The following SLC9A9 variants were observed in gnomAD, a reference collection of about 807,000 sequenced individuals.
The protein encoded by SLC9A9 is sodium/hydrogen exchanger 9.
SLC9A9 carries 62 observed loss-of-function variants against 77.8 expected under a neutral mutation model. The observed-to-expected ratio is 0.80, with a 90% CI of 0.65 to 0.98. The LOEUF is 0.98. SLC9A9 is among the 50% of genes least tolerant of loss of function. SLC9A9 has a pLI of 0.00. For missense variants in SLC9A9, 775 were observed against 774.9 expected, an observed-to-expected ratio of 1.00 and a Z score of 0.00; for synonymous variants, 320 against 283.5, an observed-to-expected ratio of 1.13 and a Z score of -1.29.
intron 12 of SLC9A9, among the ~76,000 whole-genome samples, chr3:143,440,118 C>T (rs1188343887): frequency 6.6e-6 from 1 of 152,212 alleles, no homozygotes; most frequent in Non-Finnish European, 1.5e-5. Flanking sequence ...GTGAATGGTG[C>T]AGAAAACACA....
At chr3:143,596,526 G>A (rs144161367) in intron 6 of SLC9A9, among the ~76,000 whole-genome samples, 105 of 152,100 alleles carry the variant, frequency 6.9e-4, no homozygotes, top group African/African-American at 2.5e-3. Flanking sequence ...AGATCCTGTC[G>A]AATTGTCTGG....
chr3:143,326,594 C>T (rs899050280), intron 14 of SLC9A9, among the ~76,000 whole-genome samples: 9 of 152,180 alleles, frequency 5.9e-5, no homozygotes, highest in East Asian at 3.9e-4. Context: ...CTCTCAGCTG[C>T]TCATGAGGGT....
chr3:143,581,108 AG>A (rs1442627537), intron 6 of SLC9A9, among the ~76,000 whole-genome samples: 1 of 152,352 alleles, frequency 6.6e-6, no homozygotes, highest in Non-Finnish European at 1.5e-5. Context: ...AACGGTACAA[AG>A]GGGAAAAGGG....
chr3:143,677,571 C>T (rs1560026784), intron 5 of SLC9A9, among the ~76,000 whole-genome samples: 1 of 152,190 alleles, frequency 6.6e-6, no homozygotes, highest in Non-Finnish European at 1.5e-5. Flanking sequence ...GGTATAATAG[C>T]TTTGCCAAAT....
intron 12 of SLC9A9, among the ~76,000 whole-genome samples, chr3:143,440,417 G>A (rs748489683): frequency 7.2e-5 from 11 of 152,126 alleles, no homozygotes; most frequent in South Asian, 2.1e-4. Context: ...TCGGGGTTAC[G>A]GGGAAGACTA....
chr3:143,539,895 A>T (rs1055223781), intron 9 of SLC9A9, among the ~76,000 whole-genome samples: 5 of 150,432 alleles, frequency 3.3e-5, no homozygotes, highest in African/African-American at 7.3e-5. Flanking sequence ...AGAGAGAGAG[A>T]GAGTGTGCAA....
chr3:143,808,925 T>C (rs2008793885), intron 2 of SLC9A9, among the ~76,000 whole-genome samples: 1 of 152,188 alleles, frequency 6.6e-6, no homozygotes. Context: ...AATCATAGCA[T>C]TTGAAGAAAC....
chr3:143,772,415 C>T (rs976915865), intron 4 of SLC9A9, among the ~76,000 whole-genome samples: 3 of 152,124 alleles, frequency 2.0e-5, no homozygotes, highest in Non-Finnish European at 2.9e-5. Context: ...TGTTCTAGTA[C>T]ACTCAGGCTT....
At chr3:143,676,654 T>C (rs1932899546) in intron 5 of SLC9A9, among the ~76,000 whole-genome samples, 1 of 152,074 alleles carries the variant, frequency 6.6e-6, no homozygotes, top group South Asian at 2.1e-4. Context: ...GGAGAATCGC[T>C]TGAACCCAGG....
At chr3:143,537,329 A>G (rs554269508) in intron 9 of SLC9A9, among the ~76,000 whole-genome samples, 413 of 152,312 alleles carry the variant, frequency 2.7e-3, no homozygotes, top group African/African-American at 9.7e-3. Flanking sequence ...CTGCTCTGGG[A>G]GTTTCCAAGA....
chr3:143,800,142 T>C (rs944457431), intron 2 of SLC9A9, among the ~76,000 whole-genome samples: 19 of 152,278 alleles, frequency 1.2e-4, no homozygotes, highest in African/African-American at 4.3e-4. Context: ...AAAGTCTCCT[T>C]CGCATCTTCC....
At chr3:143,757,459 A>G (rs963375134) in intron 4 of SLC9A9, among the ~76,000 whole-genome samples, 1 of 152,144 alleles carries the variant, frequency 6.6e-6, no homozygotes, top group African/African-American at 2.4e-5. Flanking sequence ...TCCTGATCTA[A>G]ATAATCAGTC....
intron 8 of SLC9A9, among the ~76,000 whole-genome samples, chr3:143,558,402 C>T (rs576858813): frequency 6.6e-6 from 1 of 152,240 alleles, no homozygotes; most frequent in South Asian, 2.1e-4. Context: ...GCACCGTGCA[C>T]CTGGAAAAGC....
At chr3:143,710,109 C>CA (rs759814229) in intron 4 of SLC9A9, among the ~76,000 whole-genome samples, 1 of 152,174 alleles carries the variant, frequency 6.6e-6, no homozygotes, top group Non-Finnish European at 1.5e-5. Context: ...TGAATTGTAT[C>CA]AACTCAGAAG....
chr3:143,504,455 TA>T (rs1310967078), intron 9 of SLC9A9, among the ~76,000 whole-genome samples: 2 of 152,108 alleles, frequency 1.3e-5, no homozygotes, highest in Admixed American at 6.6e-5. Flanking sequence ...TGAATTATAA[TA>T]ATGACCTTTA....
intron 14 of SLC9A9, among the ~76,000 whole-genome samples, chr3:143,282,137 C>T (rs563792055): frequency 2.6e-5 from 4 of 152,246 alleles, no homozygotes; most frequent in Non-Finnish European, 1.5e-5. Flanking sequence ...GGACTTGTCA[C>T]TCTCTCTTAC....
At chr3:143,494,662 A>G (rs1417783162) in intron 10 of SLC9A9, among the ~76,000 whole-genome samples, 1 of 152,196 alleles carries the variant, frequency 6.6e-6, no homozygotes, top group Non-Finnish European at 1.5e-5. Flanking sequence ...GGACATTCCT[A>G]ATGGCTCAAC....
intron 9 of SLC9A9, among the ~76,000 whole-genome samples, chr3:143,505,324 TCAGA>T (rs1321693695): frequency 6.6e-6 from 1 of 152,230 alleles, no homozygotes; most frequent in Non-Finnish European, 1.5e-5. Flanking sequence ...AATTTCTTCT[TCAGA>T]CAAATTCTGT....
chr3:143,390,811 C>A (rs1287724959), intron 12 of SLC9A9, among the ~76,000 whole-genome samples: 1 of 152,210 alleles, frequency 6.6e-6, no homozygotes, highest in East Asian at 1.9e-4. Context: ...ATATCCTGGG[C>A]CTGGCTCAGA....
Sources: allele counts gnomAD v4.1 joint callset (sites outside exome capture counted in the v4.1 genomes callset), GRCh38; gene constraint gnomAD v4.1.1; transcripts MANE v1.5; gene names NCBI Gene and HGNC (gene_info 2026-07-23, HGNC 2026-07-21).